The following CEMIP variants were observed in gnomAD, a reference collection of about 807,000 sequenced individuals.
The protein encoded by CEMIP is cell migration-inducing and hyaluronan-binding protein.
A neutral mutation model predicts 156.9 loss-of-function variants in CEMIP; 105 were observed. That is an observed-to-expected ratio of 0.67 (90% CI 0.57 to 0.79). The LOEUF is 0.79. CEMIP is among the 30% of genes least tolerant of loss of function. CEMIP has a pLI of 0.00. For missense variants in CEMIP, 1,457 were observed against 1,769.4 expected (o/e 0.82, Z 3.17); for synonymous variants, 676 against 668.4 (o/e 1.01, Z -0.17).
chr15:80,842,417 T>C (rs1318872035), intron 1 of CEMIP, among the ~76,000 whole-genome samples: 1 of 151,998 alleles, frequency 6.6e-6, no homozygotes, highest in Non-Finnish European at 1.5e-5. Context: ...AGACAGATGA[T>C]TGCAGCAAGG....
chr15:80,898,446 C>T (rs1244355034), intron 12 of CEMIP, among the ~76,000 whole-genome samples: 2 of 152,264 alleles, frequency 1.3e-5, no homozygotes, highest in Middle Eastern at 3.4e-3. Flanking sequence ...AATAATTTAG[C>T]AGCTATGCTT....
At chr15:80,810,492 C>G (rs544896121) in intron 1 of CEMIP, among the ~76,000 whole-genome samples, 1 of 152,288 alleles carries the variant, frequency 6.6e-6, no homozygotes, top group Non-Finnish European at 1.5e-5. Context: ...CTTAGCCTCC[C>G]GAGTAGCTGG....
At chr15:80,821,577 T>G (rs1224557606) in intron 1 of CEMIP, among the ~76,000 whole-genome samples, 1 of 152,120 alleles carries the variant, frequency 6.6e-6, no homozygotes, top group Non-Finnish European at 1.5e-5. Flanking sequence ...CTGTGAGAGA[T>G]GAGTAGACAG....
At position 80,906,854 on chromosome 15, in the gene CEMIP, G is replaced by A; in HGVS notation, c.1587+16G>A. On this transcript the variant is annotated intron_variant, in intron 13 of 29. Transcript: ENST00000394685. The surrounding 1 kb of genome is among the most constrained non-coding windows in gnomAD (Gnocchi z 4.3). ...CCACATCAAGGTATGTGTCTCTCTGGCAGAGTCTTTCAACCCAACCAGGAG... is the reference window on the plus strand; with the variant it reads ...CCACATCAAGGTATGTGTCTCTCTGACAGAGTCTTTCAACCCAACCAGGAG... The A allele has an allele frequency of 6.2e-7, 1 of 1,603,162 alleles. No homozygotes were observed. Among genetic ancestry groups the A allele is most frequent in the Non-Finnish European group, 8.5e-7 (1 of 1,174,360 alleles).
chr15:80,830,001 T>C (rs538376079), intron 1 of CEMIP, among the ~76,000 whole-genome samples: 2,248 of 81,490 alleles, frequency 0.028, 41 homozygotes, highest in African/African-American at 0.069. Flanking sequence ...TGTGTGTGTG[T>C]GCGCGCATGT....
chr15:80,802,205 A>G (rs1012726534), intron 1 of CEMIP, among the ~76,000 whole-genome samples: 30 of 152,256 alleles, frequency 2.0e-4, no homozygotes, highest in African/African-American at 7.2e-4. Context: ...AAGGAGCAGT[A>G]ACAAGGCACA....
intron 1 of CEMIP, among the ~76,000 whole-genome samples, chr15:80,821,347 T>C (rs1159901032): frequency 6.6e-6 from 1 of 152,194 alleles, no homozygotes; most frequent in East Asian, 1.9e-4. Flanking sequence ...TTATAAAAGT[T>C]CATGTTAGGA....
At position 80,874,034 on chromosome 15, in the gene CEMIP, G is replaced by C. The variant is rs531036658; in HGVS notation, c.94+61G>C. 2.7e-5 allele frequency: 39 copies of C among 1,463,238 alleles called. 2 individuals carry two copies. In the East Asian group the frequency reaches 4.7e-4, roughly 18 times the overall value. 90.6% of individuals were successfully genotyped at this position (1,463,238 alleles called of 1,614,324 possible). A position where few individuals can be genotyped will look rare whatever the true frequency, so the allele number is the denominator to read the frequency against. On this transcript the variant is annotated intron_variant, in intron 3 of 29. Transcript: ENST00000394685. ...GCATGGAAGGCACGGCCCCTCACTG[G>C]AGCAAGGCTGCTTTTGGGGGAGCCA...
At chr15:80,807,230 ATTTT>A (rs5814038) in intron 1 of CEMIP, among the ~76,000 whole-genome samples, 1 of 139,104 alleles carries the variant, frequency 7.2e-6, no homozygotes, top group Non-Finnish European at 1.6e-5. Context: ...TCTAGAGAGG[ATTTT>A]TTTTTTTTTT....
chr15:80,791,766 T>C (rs140455866), intron 1 of CEMIP, among the ~76,000 whole-genome samples: 1 of 152,282 alleles, frequency 6.6e-6, no homozygotes, highest in Non-Finnish European at 1.5e-5. Context: ...TCTTCATGAA[T>C]TCTTGGACAC....
intron 23 of CEMIP, among the ~76,000 whole-genome samples, chr15:80,935,701 G>A (rs1901094525): frequency 6.6e-6 from 1 of 152,138 alleles, no homozygotes; most frequent in South Asian, 2.1e-4. Context: ...AATTTGGGAT[G>A]TGCCATAAAA....
intron 23 of CEMIP, among the ~76,000 whole-genome samples, chr15:80,935,100 G>A (rs1044184808): frequency 2.6e-5 from 4 of 152,158 alleles, no homozygotes; most frequent in Admixed American, 6.5e-5. Context: ...TGGGAGAGGC[G>A]GAGCTGTGCA....
intron 6 of CEMIP, 61 bp downstream of exon 6, chr15:80,881,197 C>CTTTGAA: frequency 1.4e-6 from 2 of 1,462,534 alleles, no homozygotes; most frequent in Non-Finnish European, 1.9e-6. Flanking sequence ...ATTGAGTGTG[C>CTTTGAA]TCCCTGGCCA....
chr15:80,948,545 C>T, intron 29 of CEMIP: 2 of 544,186 alleles, frequency 3.7e-6, no homozygotes, highest in African/African-American at 1.9e-5. Context: ...GCATGGCTCC[C>T]CTGTCTACAA....
intron 1 of CEMIP, among the ~76,000 whole-genome samples, chr15:80,857,459 G>T (rs1487190443): frequency 6.6e-6 from 1 of 152,198 alleles, no homozygotes; most frequent in Non-Finnish European, 1.5e-5. Context: ...TAATATTAAT[G>T]CTTCCCAGGG....
intron 1 of CEMIP, among the ~76,000 whole-genome samples, chr15:80,829,339 C>T (rs1215402139): frequency 6.6e-6 from 1 of 152,242 alleles, no homozygotes; most frequent in African/African-American, 2.4e-5. Context: ...CATTCAGCTG[C>T]TGCTGTTGCT....
chr15:80,929,270 A>G (rs1900814419), intron 21 of CEMIP, 96 bp downstream of exon 21: 14 of 1,435,798 alleles, frequency 9.8e-6, no homozygotes, highest in Non-Finnish European at 1.2e-5. Flanking sequence ...CTACCTGTTG[A>G]CTATGAATTC....
At chr15:80,798,745 GTT>G (rs1896296276) in intron 1 of CEMIP, among the ~76,000 whole-genome samples, 1 of 152,032 alleles carries the variant, frequency 6.6e-6, no homozygotes. Context: ...CATATTTGAA[GTT>G]TTCTCTCCCA....
rs376604633 is a variant in CEMIP, at chr15:80,937,993, C to G, written c.3407+14C>G. On this transcript the variant is annotated intron_variant, in intron 25 of 29. Coordinates refer to ENST00000394685, the MANE Select transcript of CEMIP (RefSeq NM_001293298.2). The stretch of plus-strand genomic sequence containing the variant: ...CGAGGACTCAGGGTGAGCAGGCGCC[C>G]ACTTGGCTGCAGGAAAGTGGCTCAA... The G allele has an allele frequency of 7.3e-5, 118 of 1,608,900 alleles. No homozygotes were observed. Among genetic ancestry groups the G allele is most frequent in the Non-Finnish European group, 9.5e-5 (112 of 1,177,244 alleles).
Sources: gnomAD v4.1 joint callset for allele counts (sites outside exome capture counted in the v4.1 genomes callset) on GRCh38, gnomAD v4.1.1 for gene constraint, Gnocchi (gnomAD v3.1) non-coding constraint, MANE v1.5 for transcripts, NCBI Gene and HGNC (gene_info 2026-07-23, HGNC 2026-07-21) for gene names.